Variants in MAGI2 observed in about 807,000 individuals in gnomAD.
MAGI2 encodes membrane associated guanylate kinase, WW and PDZ domain containing 2.
MAGI2 carries 35 observed loss-of-function variants against 133.3 expected under a neutral mutation model. That is an observed-to-expected ratio of 0.26 (90% CI 0.20 to 0.35). The LOEUF is 0.35. MAGI2 is among the 10% of genes least tolerant of loss of function. The probability of loss-of-function intolerance (pLI) is 1.00; values close to 1 mark genes in which losing one functional copy is unlikely to be tolerated. For synonymous variants in MAGI2, 729 were observed against 710.6 expected, an observed-to-expected ratio of 1.03 and a Z score of -0.41; for missense variants, 1,636 against 1,863.4, an observed-to-expected ratio of 0.88 and a Z score of 2.25.
chr7:78,541,222 A>G (rs1331130318), intron 3 of MAGI2, among the ~76,000 whole-genome samples: 2 of 152,210 alleles, frequency 1.3e-5, no homozygotes, highest in East Asian at 1.9e-4. Context: ...ACAGCATCCT[A>G]TAAGTCTTAA....
chr7:79,252,452 T>C (rs1833379951), intron 1 of MAGI2, among the ~76,000 whole-genome samples: 1 of 151,970 alleles, frequency 6.6e-6, no homozygotes, highest in Admixed American at 6.6e-5. Context: ...GGAAGAATAG[T>C]TGGGGGTGAG....
chr7:79,424,535 T>C (rs181733483), intron 1 of MAGI2, among the ~76,000 whole-genome samples: 39 of 152,178 alleles, frequency 2.6e-4, no homozygotes, highest in Admixed American at 5.2e-4. Context: ...GATCAAAAAA[T>C]GCACAGACAG....
At chr7:78,463,600 G>C (rs758535894) in intron 6 of MAGI2, among the ~76,000 whole-genome samples, 2 of 152,176 alleles carry the variant, frequency 1.3e-5, no homozygotes, top group Non-Finnish European at 2.9e-5. Flanking sequence ...TGAGGTCCTG[G>C]AATATAAGCG....
At chr7:78,582,602 G>A (rs543671626) in intron 3 of MAGI2, among the ~76,000 whole-genome samples, 1 of 152,316 alleles carries the variant, frequency 6.6e-6, no homozygotes, top group African/African-American at 2.4e-5. Context: ...GGAATCTGAT[G>A]CCTGAATGAA....
rs554482976 is a variant in MAGI2 at position 78,029,867 on chromosome 7, G to C, written c.3707-9891C>G. On this transcript the variant is annotated intron_variant, in intron 21 of 21. Transcript: ENST00000354212. ...CCAAAGAAGGGAGATAAAGCACAGG[G>C]AAGTTTTGCTGAAGTAAGGGGGTTG... Among the ~76,000 whole-genome samples the C allele has an allele frequency of 4.6e-5, 7 of 152,362 alleles. No homozygotes were observed. In the South Asian group the frequency reaches 6.2e-4, roughly 14 times the overall value.
intron 1 of MAGI2, among the ~76,000 whole-genome samples, chr7:79,009,956 C>T (rs1807872678): frequency 6.6e-6 from 1 of 151,910 alleles, no homozygotes; most frequent in East Asian, 1.9e-4. Context: ...AAAGTAAACA[C>T]TCATTAAAAA....
intron 2 of MAGI2, among the ~76,000 whole-genome samples, chr7:78,828,723 G>T (rs942719620): frequency 5.9e-5 from 9 of 152,124 alleles, no homozygotes; most frequent in African/African-American, 9.7e-5. Flanking sequence ...AATAATAAAA[G>T]AAAGTAGGTG....
At chr7:78,633,559 A>C (rs1011720402) in intron 2 of MAGI2, among the ~76,000 whole-genome samples, 9 of 152,072 alleles carry the variant, frequency 5.9e-5, no homozygotes, top group Non-Finnish European at 1.2e-4. Context: ...CAAAAAAATT[A>C]GCCGGGCGTG....
At chr7:79,009,839 G>A (rs1421633289) in intron 1 of MAGI2, among the ~76,000 whole-genome samples, 1 of 152,018 alleles carries the variant, frequency 6.6e-6, no homozygotes, top group Non-Finnish European at 1.5e-5. Flanking sequence ...CCATGCTCAG[G>A]ATACTGGAGT....
chr7:79,420,902 A>C (rs1846908090), intron 1 of MAGI2, among the ~76,000 whole-genome samples: 1 of 152,032 alleles, frequency 6.6e-6, no homozygotes, highest in African/African-American at 2.4e-5. Context: ...GTGAAAACTC[A>C]ATGCCATGAC....
chr7:79,353,584 G>A (rs1216572324), intron 1 of MAGI2: 9 of 428,088 alleles, frequency 2.1e-5, no homozygotes, highest in Non-Finnish European at 3.7e-5. Flanking sequence ...GCTGTCTGGA[G>A]CTCTGGTGAT....
chr7:78,940,165 A>G (rs1800856253), intron 2 of MAGI2, among the ~76,000 whole-genome samples: 1 of 152,210 alleles, frequency 6.6e-6, no homozygotes, highest in South Asian at 2.1e-4. Flanking sequence ...CACTTTGCAG[A>G]TAACAAGCCC....
chr7:79,200,445 TAA>T (rs34446005), intron 1 of MAGI2, among the ~76,000 whole-genome samples: 44 of 137,862 alleles, frequency 3.2e-4, no homozygotes, highest in African/African-American at 7.2e-4. Flanking sequence ...TCTACAAAAT[TAA>T]AAAAAAAAAA....
chr7:78,616,697 T>G (rs1807138528), intron 3 of MAGI2: 1 of 152,164 alleles, frequency 6.6e-6, no homozygotes, highest in Non-Finnish European at 1.5e-5. Context: ...TAGGACTAGA[T>G]TCTAAGGCCA....
At chr7:78,527,700 T>A (rs1197387866) in intron 3 of MAGI2, among the ~76,000 whole-genome samples, 2 of 152,220 alleles carry the variant, frequency 1.3e-5, no homozygotes, top group Non-Finnish European at 2.9e-5. Context: ...TTTCACTTAC[T>A]TCCAACACCT....
intron 2 of MAGI2, among the ~76,000 whole-genome samples, chr7:78,767,144 C>A (rs1205003997): frequency 6.6e-6 from 1 of 152,100 alleles, no homozygotes; most frequent in Non-Finnish European, 1.5e-5. Flanking sequence ...TGCGTGCCAC[C>A]ACACCTGGCT....
At chr7:78,605,177 C>G (rs449372) in intron 3 of MAGI2, among the ~76,000 whole-genome samples, 128,775 of 151,778 alleles carry the variant, frequency 0.85, 54,673 homozygotes, top group Middle Eastern at 0.87. Flanking sequence ...AGCAGTCTGA[C>G]AAGAAATGTG....
chr7:78,836,580 T>A (rs571446792), intron 2 of MAGI2, among the ~76,000 whole-genome samples: 2 of 152,200 alleles, frequency 1.3e-5, no homozygotes, highest in African/African-American at 4.8e-5. Context: ...TTAATATACA[T>A]CTTTCCATTT....
At chr7:79,426,317 C>T (rs1847367914) in intron 1 of MAGI2, among the ~76,000 whole-genome samples, 2 of 145,692 alleles carry the variant, frequency 1.4e-5, no homozygotes, top group South Asian at 2.1e-4. Context: ...TTCCTTCTCT[C>T]CTTCCTCTTC....
Sources: allele counts gnomAD v4.1 joint callset (sites outside exome capture counted in the v4.1 genomes callset), GRCh38; gene constraint gnomAD v4.1.1; transcripts MANE v1.5; gene names NCBI Gene and HGNC (gene_info 2026-07-23, HGNC 2026-07-21).